B3GAT2: variants seen among roughly 807,000 people sequenced by gnomAD.
The protein encoded by B3GAT2 is galactosylgalactosylxylosylprotein 3-beta-glucuronosyltransferase 2.
In B3GAT2, 26 loss-of-function variants were observed where a neutral mutation model predicts 27.8. That is an observed-to-expected ratio of 0.93 (90% CI 0.68 to 1.30). B3GAT2 has a LOEUF of 1.30. Among genes scored for constraint, B3GAT2 ranks in the 50% most tolerant of loss-of-function variants. B3GAT2 has a pLI of 0.00. For synonymous variants in B3GAT2, 218 were observed against 195.1 expected (o/e 1.12, Z -0.98); for missense variants, 458 against 459.0 (o/e 1.00, Z 0.02).
rs192680358 is a variant in B3GAT2, at chr6:70,861,394, C to T, written c.*269G>A. ...ACTCAAGAGTGGTATCTTGCAGTAT[C>T]GGCACTGTACAAAAAAATCTTCCAA... On this transcript the variant is annotated 3_prime_UTR_variant, in exon 4 of 4. Coordinates refer to ENST00000230053, the MANE Select transcript of B3GAT2 (RefSeq NM_080742.3). 6.1e-5 allele frequency: 26 copies of T among 426,824 alleles called. No individual in the cohort carries two copies. The highest frequency in any genetic ancestry group is 6.5e-4 in the Middle Eastern group (1 of 1,550). The allele number at this position is 426,824 out of a possible 1,614,324, so 26.4% of individuals were successfully genotyped here. A position where few individuals can be genotyped will look rare whatever the true frequency, so the allele number is the denominator to read the frequency against.
At chr6:70,921,815 T>C (rs1772875703) in intron 1 of B3GAT2, among the ~76,000 whole-genome samples, 1 of 152,204 alleles carries the variant, frequency 6.6e-6, no homozygotes, top group Non-Finnish European at 1.5e-5. Context: ...TGTGGTATAA[T>C]GTCGGTTCAG....
chr6:70,888,977 T>C (rs374217281), intron 2 of B3GAT2, among the ~76,000 whole-genome samples: 1 of 152,220 alleles, frequency 6.6e-6, no homozygotes, highest in East Asian at 1.9e-4. Flanking sequence ...GTATCTGCCA[T>C]GCTCTTGTAG....
intron 2 of B3GAT2, among the ~76,000 whole-genome samples, chr6:70,879,922 G>A (rs1029569124): frequency 1.4e-4 from 21 of 152,298 alleles, no homozygotes; most frequent in African/African-American, 4.8e-4. Flanking sequence ...CAACCATGCA[G>A]GGCCTGGGAG....
At chr6:70,930,069 C>G (rs1582388077) in intron 1 of B3GAT2, among the ~76,000 whole-genome samples, 1 of 152,074 alleles carries the variant, frequency 6.6e-6, no homozygotes, top group Non-Finnish European at 1.5e-5. Flanking sequence ...TTTGACAAAC[C>G]TGACAAAAAC....
At chr6:70,914,850 G>T (rs1772742826) in intron 1 of B3GAT2, among the ~76,000 whole-genome samples, 3 of 152,054 alleles carry the variant, frequency 2.0e-5, no homozygotes. Context: ...ATTGTAAATA[G>T]TGCTGCAATA....
chr6:70,951,279 C>G (rs967912256), intron 1 of B3GAT2, among the ~76,000 whole-genome samples: 2 of 152,142 alleles, frequency 1.3e-5, no homozygotes, highest in Non-Finnish European at 2.9e-5. Context: ...TTTGGATTTT[C>G]TATTTTGCTT....
In B3GAT2 at chr6:70,906,754, G is replaced by A. The variant is rs560066333; in HGVS notation, c.592-12482C>T. ...TCTTTGCTTTCTTATTCTTTAATCC[G>A]ATCCCCTGCTCCACTTAAGATCCTT... On this transcript the variant is annotated intron_variant, in intron 1 of 3. Coordinates refer to ENST00000230053, the MANE Select transcript of B3GAT2 (RefSeq NM_080742.3). Among the ~76,000 whole-genome samples the A allele has an allele frequency of 1.7e-3, 255 of 151,968 alleles. 3 individuals are homozygous for A. The highest frequency in any genetic ancestry group is 4.2e-3 in the South Asian group (20 of 4,804).
rs1465666783 is a variant in B3GAT2, at chr6:70,929,204, AG to A, written c.591+26634del. 2.6e-5 allele frequency among the ~76,000 whole-genome samples: 4 copies of A among 151,306 alleles called. No individual in the cohort carries two copies. In the East Asian group the frequency reaches 7.8e-4, roughly 29 times the overall value. ...GAAGGGGAACTTCACACACCAGGGT[AG>A]GGAGAGGGGGGAGGGATAGCATTAG... is the stretch of plus-strand genomic sequence containing the variant. On this transcript the variant is annotated intron_variant, in intron 1 of 3. Coordinates refer to ENST00000230053, the MANE Select transcript of B3GAT2 (RefSeq NM_080742.3).
At chr6:70,895,126 G>C (rs1040089225) in intron 1 of B3GAT2, among the ~76,000 whole-genome samples, 1 of 152,168 alleles carries the variant, frequency 6.6e-6, no homozygotes, top group Non-Finnish European at 1.5e-5. Flanking sequence ...GGAGCCCATA[G>C]CTTGGCAAAG....
At chr6:70,884,111 A>AC (rs1249063173) in intron 2 of B3GAT2, among the ~76,000 whole-genome samples, 2 of 143,148 alleles carry the variant, frequency 1.4e-5, no homozygotes, top group Non-Finnish European at 3.0e-5. Flanking sequence ...AAAAAAAAAA[A>AC]AACAAAAAAA....
At chr6:70,929,301 A>AC (rs58212847) in intron 1 of B3GAT2, among the ~76,000 whole-genome samples, 74,073 of 151,766 alleles carry the variant, frequency 0.49, 18,684 homozygotes, top group East Asian at 0.69. Context: ...TACATATGTA[A>AC]AAACCTGCAC....
chr6:70,890,314 CCA>C (rs1366462059), intron 2 of B3GAT2, among the ~76,000 whole-genome samples: 2 of 152,070 alleles, frequency 1.3e-5, no homozygotes, highest in African/African-American at 4.8e-5. Flanking sequence ...TCCGAGGCTG[CCA>C]CAGAGTCTCC....
At chr6:70,939,070 C>G (rs1268507772) in intron 1 of B3GAT2, among the ~76,000 whole-genome samples, 17 of 151,978 alleles carry the variant, frequency 1.1e-4, no homozygotes, top group Non-Finnish European at 2.1e-4. Flanking sequence ...CCAACCAACC[C>G]CATCAACAAG....
chr6:70,935,098 T>A (rs1414724926), intron 1 of B3GAT2, among the ~76,000 whole-genome samples: 1 of 151,586 alleles, frequency 6.6e-6, no homozygotes, highest in Non-Finnish European at 1.5e-5. Flanking sequence ...AATATTATGC[T>A]AAGATAAAAT....
chr6:70,897,239 G>A (rs1772402526), intron 1 of B3GAT2, among the ~76,000 whole-genome samples: 1 of 137,028 alleles, frequency 7.3e-6, no homozygotes, highest in Non-Finnish European at 1.7e-5. Context: ...AAAAAAAAAA[G>A]GTTTTCTTAC....
At chr6:70,875,694 T>C (rs1456062533) in intron 2 of B3GAT2, among the ~76,000 whole-genome samples, 1 of 152,250 alleles carries the variant, frequency 6.6e-6, no homozygotes, top group African/African-American at 2.4e-5. Context: ...GGTCTGTTAA[T>C]CTGCTGACTA....
At chr6:70,891,748 T>TTG (rs147352529) in intron 2 of B3GAT2, among the ~76,000 whole-genome samples, 16,985 of 144,666 alleles carry the variant, frequency 0.12, 964 homozygotes, top group East Asian at 0.17. Flanking sequence ...AGAGCTCAGA[T>TTG]TGTGTGTGTG....
chr6:70,883,888 G>C (rs1229829856), intron 2 of B3GAT2, among the ~76,000 whole-genome samples: 1 of 151,816 alleles, frequency 6.6e-6, no homozygotes, highest in Non-Finnish European at 1.5e-5. Context: ...AATGGAAGAC[G>C]TATTTTCTAT....
At chr6:70,936,271 C>A (rs1249665655) in intron 1 of B3GAT2, among the ~76,000 whole-genome samples, 2 of 151,990 alleles carry the variant, frequency 1.3e-5, no homozygotes, top group East Asian at 1.9e-4. Flanking sequence ...GAGTGACCTA[C>A]AAAGAGACTT....
Sources: gnomAD v4.1 joint callset for allele counts (sites outside exome capture counted in the v4.1 genomes callset) on GRCh38, gnomAD v4.1.1 for gene constraint, MANE v1.5 for transcripts, NCBI Gene and HGNC (gene_info 2026-07-23, HGNC 2026-07-21) for gene names.